Variants in TRIM24 observed in about 807,000 individuals in gnomAD.
TRIM24 encodes the protein transcription intermediary factor 1-alpha.
TRIM24 carries 29 observed loss-of-function variants against 123.9 expected under a neutral mutation model. That is an observed-to-expected ratio of 0.23 (90% CI 0.17 to 0.32). The LOEUF (loss-of-function observed/expected upper bound fraction) is 0.32, where lower values mean the gene tolerates loss of function less well. TRIM24 is among the 10% of genes least tolerant of loss of function. The probability of loss-of-function intolerance (pLI) is 1.00; values close to 1 mark genes in which losing one functional copy is unlikely to be tolerated. For synonymous variants in TRIM24, 456 were observed against 461.1 expected (o/e 0.99, Z 0.14); for missense variants, 932 against 1,295.3 (o/e 0.72, Z 4.31).
At chr7:138,496,581 G>T (rs1795910562) in intron 1 of TRIM24, among the ~76,000 whole-genome samples, 1 of 152,134 alleles carries the variant, frequency 6.6e-6, no homozygotes, top group Admixed American at 6.6e-5. Context: ...GTCTTTATCA[G>T]GTTGAAGAAG....
chr7:138,577,567 TGAA>T lies in TRIM24; in HGVS notation c.2239_2241del (p.Glu747del). 6.2e-7 allele frequency: 1 copy of T among 1,607,420 alleles called. No individual in the cohort carries two copies. The highest frequency in any genetic ancestry group is 8.5e-7 in the Non-Finnish European group (1 of 1,177,228). ...TTGTTATAGTGAAGCAAGAATCAGA[TGAA>T]GAATCTAGGCCTCAAAATGTAATTA... On this transcript the variant is annotated inframe_deletion, in exon 14 of 19. Transcript: ENST00000343526.
Position 138,549,120 on chromosome 7 carries a change from A to G in TRIM24, c.1144-1943A>G, listed in dbSNP as rs958511215. 2.6e-5 allele frequency among the ~76,000 whole-genome samples: 4 copies of G among 152,342 alleles called. No individual in the cohort carries two copies. The Middle Eastern group carries it at 0.01, about 389-fold the overall frequency. On this transcript the variant is annotated intron_variant, in intron 7 of 18. Coordinates refer to ENST00000343526, the MANE Select transcript of TRIM24 (RefSeq NM_015905.3). ...GCAGCACTGTAGGTTTGTTTACACC[A>G]GTATCACCATAAACACTTGAGTAAT...
chr7:138,567,558 A>G lies in TRIM24; in HGVS notation c.1608A>G (p.Gln536=), dbSNP rs763138028. The G allele has an allele frequency of 1.2e-5, 19 of 1,613,936 alleles. No individual in the cohort carries two copies. Among genetic ancestry groups the G allele is most frequent in the East Asian group, 4.5e-5 (2 of 44,864 alleles). ...PNGPVLPPHP[Q]QLRYPPNQNI... Reference sequence around the variant, plus strand: ...GACCAGTTCTTCCTCCTCATCCTCAACAACTGAGATATCCACCAAACCAGA... The same window carrying G: ...GACCAGTTCTTCCTCCTCATCCTCAGCAACTGAGATATCCACCAAACCAGA... The change falls in exon 10 of 19, where the codon CAA becomes CAG. Residue 536 remains glutamine, a synonymous_variant. Coordinates refer to ENST00000343526, the MANE Select transcript of TRIM24 (RefSeq NM_015905.3).
chr7:138,573,569 T>C lies in TRIM24; in HGVS notation c.1941T>C (p.His647=). ...TGAGGAAAGATACTAATATAGATCATGGCCAGCCAAGACCACCCTCAAACA... is the reference window on the plus strand; with the variant it reads ...TGAGGAAAGATACTAATATAGATCACGGCCAGCCAAGACCACCCTCAAACA... ...NIVRKDTNID[H]GQPRPPSNRT... The change falls in exon 12 of 19, where the codon CAT becomes CAC. Residue 647 remains histidine (H), a synonymous_variant. Coordinates refer to ENST00000343526, the MANE Select transcript of TRIM24 (RefSeq NM_015905.3). 1 of 1,614,068 alleles carries C rather than the reference T, an allele frequency of 6.2e-7. No homozygotes were observed. Among genetic ancestry groups the C allele is most frequent in the Non-Finnish European group, 8.5e-7 (1 of 1,179,944 alleles).
intron 4 of TRIM24, among the ~76,000 whole-genome samples, chr7:138,521,454 T>C (rs185939473): frequency 2.0e-5 from 3 of 152,248 alleles, no homozygotes; most frequent in East Asian, 3.9e-4. Flanking sequence ...ACTAAAAGAA[T>C]AATAAGTACA....
In TRIM24 at chr7:138,460,447, C is replaced by A. The variant is rs1013473329; in HGVS notation, c.-102C>A. On this transcript the variant is annotated 5_prime_UTR_variant, in exon 1 of 19. Coordinates refer to ENST00000343526, the MANE Select transcript of TRIM24 (RefSeq NM_015905.3). Reference sequence around the variant, plus strand: ...CTCGCTGGCGCTGCCGCGAGTCCACCGAGCGGCCTCTGAGGAGCAGCCGCA... The same window carrying A: ...CTCGCTGGCGCTGCCGCGAGTCCACAGAGCGGCCTCTGAGGAGCAGCCGCA... 2 of 1,185,780 alleles carry A rather than the reference C, an allele frequency of 1.7e-6. No individual in the cohort carries two copies. Among genetic ancestry groups the A allele is most frequent in the Non-Finnish European group, 2.1e-6 (2 of 943,428 alleles). The allele number at this position is 1,185,780 out of a possible 1,614,324, so 73.5% of individuals were successfully genotyped here.
chr7:138,550,929 TTG>T (rs1797197499), intron 7 of TRIM24, 132 bp from the exon 8 acceptor site: 3 of 631,180 alleles, frequency 4.8e-6, no homozygotes, highest in Non-Finnish European at 7.9e-6. Flanking sequence ...GAAAATTGTG[TTG>T]TATGTCCAAC....
At chr7:138,583,825 T>C (rs1797956178) in intron 17 of TRIM24, 25 bp from the exon 18 acceptor site, 1 of 1,477,370 alleles carries the variant, frequency 6.8e-7, no homozygotes, top group Non-Finnish European at 9.2e-7. Flanking sequence ...GCTATTTGTA[T>C]TATAACATCT....
At chr7:138,575,621 G>GA (rs1797742707) in intron 12 of TRIM24, among the ~76,000 whole-genome samples, 1 of 152,000 alleles carries the variant, frequency 6.6e-6, no homozygotes, top group Admixed American at 6.6e-5. Context: ...TGTCAATTCG[G>GA]AATTTTTTTT....
In TRIM24 at chr7:138,589,699, T is replaced by C. The variant is rs1352979182; in HGVS notation, c.*4748T>C. 1 of 152,220 alleles carries C rather than the reference T, an allele frequency of 6.6e-6. No homozygotes were observed. The highest frequency in any genetic ancestry group is 1.5e-5 in the Non-Finnish European group (1 of 68,046). 9.4% of individuals were successfully genotyped at this position (152,220 alleles called of 1,614,324 possible). Reference sequence around the variant, plus strand: ...GGACCAAAGATGCCATGAAGACTTCTAGTTGTCTGGAAGTTATTTGGGGAA... The same window carrying C: ...GGACCAAAGATGCCATGAAGACTTCCAGTTGTCTGGAAGTTATTTGGGGAA... On this transcript the variant is annotated 3_prime_UTR_variant, in exon 19 of 19. Coordinates refer to ENST00000343526, the MANE Select transcript of TRIM24 (RefSeq NM_015905.3).
rs757594988 is a variant in TRIM24, at chr7:138,515,325, C to T, written c.597C>T (p.Asp199=). The T allele has an allele frequency of 1.6e-5, 26 of 1,613,932 alleles. No homozygotes were observed. The Admixed American group carries it at 2.0e-4, about 12-fold the overall frequency. Residue 199 remains aspartate, a synonymous_variant, in exon 3 of 19, where the codon GAC becomes GAT. Coordinates refer to ENST00000343526, the MANE Select transcript of TRIM24 (RefSeq NM_015905.3). The part of the protein sequence containing the change: ...RAHQRVKFTK[D]HTVRQKEEVS... ...ATCAGAGGGTAAAGTTCACAAAAGA[C>T]CACACTGTCAGACAGAAAGAGGAAG...
intron 3 of TRIM24, among the ~76,000 whole-genome samples, chr7:138,516,143 T>A (rs1318341763): frequency 6.6e-6 from 1 of 151,956 alleles, no homozygotes; most frequent in African/African-American, 2.4e-5. Flanking sequence ...ACTAAAAACA[T>A]ACAAAAAAAT....
intron 1 of TRIM24, among the ~76,000 whole-genome samples, chr7:138,488,556 C>T (rs928370790): frequency 7.9e-5 from 12 of 152,118 alleles, no homozygotes; most frequent in African/African-American, 2.9e-4. Context: ...TGTCTTTGTT[C>T]TCATTGGTTT....
rs1254005308 is a variant in TRIM24 at position 138,554,815 on chromosome 7, C to T, written c.1379C>T (p.Pro460Leu). ...GLSSNQLSKF[P>L]TQISLAQLRL... Reference sequence around the variant, plus strand: ...TCATCAAACCAGTTATCCAAGTTCCCAACACAGATCAGCCTAGCTCAATTA... The same window carrying T: ...TCATCAAACCAGTTATCCAAGTTCCTAACACAGATCAGCCTAGCTCAATTA... The change falls in exon 9 of 19, where the codon CCA (proline) becomes CTA (leucine). Residue 460 changes from proline to leucine, a missense_variant. Physicochemically the swap from Pro to Leu is moderately conservative, Grantham distance 98 (BLOSUM62 -3). This residue lies in a region of TRIM24 where 527 missense variants were observed against 691.3 expected (regional missense o/e 0.76). Transcript: ENST00000343526. This position sits in a 1 kb window ranked among gnomAD's most constrained non-coding sequence, Gnocchi z 4.5. 1 of 1,614,178 alleles carries T rather than the reference C, an allele frequency of 6.2e-7. No individual in the cohort carries two copies. The highest frequency in any genetic ancestry group is 1.7e-5 in the Admixed American group (1 of 60,022).
intron 1 of TRIM24, among the ~76,000 whole-genome samples, chr7:138,493,914 C>T (rs1795848020): frequency 6.6e-6 from 1 of 152,116 alleles, no homozygotes. Context: ...AGTCCATCTT[C>T]CATTTTTCCC....
At chr7:138,562,267 A>G (rs888642733) in intron 9 of TRIM24, among the ~76,000 whole-genome samples, 4 of 152,212 alleles carry the variant, frequency 2.6e-5, no homozygotes, top group African/African-American at 9.7e-5. Flanking sequence ...AGTCTTGTCC[A>G]GGTGAACTGC....
Position 138,579,199 on chromosome 7 carries a change from T to C in TRIM24, c.2257-5T>C, listed in dbSNP as rs1385328035. ...CCAGTTAAATATATTTTTTTTCTAC[T>C]ACAGGCCAATTATCCAAGAAGCATA... On this transcript the variant is annotated splice_region_variant and splice_polypyrimidine_tract_variant and intron_variant, in intron 14 of 18. Coordinates refer to ENST00000343526, the MANE Select transcript of TRIM24 (RefSeq NM_015905.3). The C allele has an allele frequency of 1.9e-6, 3 of 1,557,662 alleles. No individual in the cohort carries two copies. The highest frequency in any genetic ancestry group is 1.4e-5 in the African/African-American group (1 of 72,302).
At chr7:138,508,416 A>T (rs1276307316) in intron 2 of TRIM24, among the ~76,000 whole-genome samples, 3 of 152,182 alleles carry the variant, frequency 2.0e-5, no homozygotes, top group Non-Finnish European at 4.4e-5. Context: ...ATGGCCATTA[A>T]TGATCACTGC....
intron 6 of TRIM24, 126 bp from the exon 7 acceptor site, chr7:138,538,531 T>C: frequency 1.9e-6 from 2 of 1,065,892 alleles, no homozygotes; most frequent in African/African-American, 1.6e-5. Flanking sequence ...GAAAACAGAG[T>C]ATTTTTAGTT....
Sources: allele counts gnomAD v4.1 joint callset (sites outside exome capture counted in the v4.1 genomes callset), GRCh38; gene constraint gnomAD v4.1.1; regional missense constraint gnomAD v4.1.1; non-coding constraint Gnocchi (gnomAD v3.1); transcripts MANE v1.5; gene names NCBI Gene and HGNC (gene_info 2026-07-23, HGNC 2026-07-21).